Variants in CA12 observed in about 807,000 individuals in gnomAD.
The protein encoded by CA12 is carbonic anhydrase 12.
Under a neutral mutation model 46.8 loss-of-function variants are expected in CA12, and 36 were observed. That is an observed-to-expected ratio of 0.77 (90% CI 0.59 to 1.02). The LOEUF is 1.02. Ranked by LOEUF, CA12 falls within the 50% of genes least tolerant of loss-of-function variation. The pLI is 0.00. For missense variants in CA12, 436 were observed against 451.4 expected (o/e 0.97, Z 0.31); for synonymous variants, 202 against 187.0 (o/e 1.08, Z -0.65).
intron 1 of CA12, among the ~76,000 whole-genome samples, chr15:63,376,377 A>G (rs1480007425): frequency 6.6e-6 from 1 of 152,204 alleles, no homozygotes; most frequent in Non-Finnish European, 1.5e-5. Context: ...TCCATTAGAC[A>G]AGGAGGTTAG....
intron 1 of CA12, among the ~76,000 whole-genome samples, chr15:63,376,421 C>T (rs1026261920): frequency 2.6e-5 from 4 of 152,154 alleles, no homozygotes; most frequent in African/African-American, 7.2e-5. Flanking sequence ...GGCATGGCTA[C>T]ACACACATAT....
Position 63,341,199 on chromosome 15 carries a change from A to G in CA12, c.526-416T>C, listed in dbSNP as rs190519712. 2.0e-3 allele frequency among the ~76,000 whole-genome samples: 308 copies of G among 152,330 alleles called. 3 individuals are homozygous for G. The highest frequency in any genetic ancestry group is 7.0e-3 in the African/African-American group (291 of 41,578). On this transcript the variant is annotated intron_variant, in intron 5 of 10. Coordinates refer to ENST00000178638, the MANE Select transcript of CA12 (RefSeq NM_001218.5). The surrounding 1 kb of genome is among the most constrained non-coding windows in gnomAD (Gnocchi z 5.2). ...TTAGGAAAAAAAAACATGCAAGCCA[A>G]TCAGAAGACATTCCTCTATCTTGGG...
At position 63,323,117 on chromosome 15, in the gene CA12, C is replaced by T. The variant is rs1251341122; in HGVS notation, c.*3168G>A. 6.6e-6 allele frequency: 1 copy of T among 152,138 alleles called. No individual in the cohort carries two copies. Among genetic ancestry groups the T allele is most frequent in the Non-Finnish European group, 1.5e-5 (1 of 68,014 alleles). 9.4% of individuals were successfully genotyped at this position (152,138 alleles called of 1,614,324 possible). A position where few individuals can be genotyped will look rare whatever the true frequency, so the allele number is the denominator to read the frequency against. On this transcript the variant is annotated 3_prime_UTR_variant, in exon 11 of 11. Coordinates refer to ENST00000178638, the MANE Select transcript of CA12 (RefSeq NM_001218.5). This position sits in a 1 kb window ranked among gnomAD's most constrained non-coding sequence, Gnocchi z 5.1. ...GTAACAGGCAACCAAGAGGGGCTGC[C>T]CACCTACTAGGTTTAATACTCTCAG...
chr15:63,346,702 A>G lies in CA12; in HGVS notation c.114T>C (p.Asp38=). The change falls in exon 3 of 11, where the codon GAT becomes GAC. Residue 38 remains aspartate (D), a synonymous_variant. Coordinates refer to ENST00000178638, the MANE Select transcript of CA12 (RefSeq NM_001218.5). ...ACTTCTTGGACCAGCTATTCTCCCC[A>G]TCAGGACCTGGACACAGAGATCCAT... ...NGSKWTYFGP[D]GENSWSKKYP... 6.2e-7 allele frequency: 1 copy of G among 1,614,148 alleles called. No individual in the cohort carries two copies. The highest frequency in any genetic ancestry group is 1.1e-5 in the South Asian group (1 of 91,084).
chr15:63,380,550 C>A (rs757109255), intron 1 of CA12, among the ~76,000 whole-genome samples: 9 of 152,220 alleles, frequency 5.9e-5, no homozygotes, highest in Non-Finnish European at 1.2e-4. Context: ...TTCACTTTTA[C>A]ATCGCTCCTT....
intron 8 of CA12, among the ~76,000 whole-genome samples, chr15:63,333,288 C>T (rs2038958866): frequency 6.6e-6 from 1 of 152,266 alleles, no homozygotes; most frequent in Non-Finnish European, 1.5e-5. Flanking sequence ...GTCCAGCCGT[C>T]TGCCCAGCCC....
At chr15:63,367,107 G>A (rs1265347617) in intron 2 of CA12, among the ~76,000 whole-genome samples, 1 of 152,096 alleles carries the variant, frequency 6.6e-6, no homozygotes, top group Non-Finnish European at 1.5e-5. Context: ...TTTTAGTAGA[G>A]ATAGGGTTTC....
chr15:63,327,300 G>T lies in CA12; in HGVS notation c.908-67C>A. On this transcript the variant is annotated intron_variant, in intron 9 of 10. Coordinates refer to ENST00000178638, the MANE Select transcript of CA12 (RefSeq NM_001218.5). This position sits in a 1 kb window ranked among gnomAD's most constrained non-coding sequence, Gnocchi z 4.5. ...CCCTCCATCTTAGCCCATGGCCCCC[G>T]GGTGTGAAATCATGGCCCAGCTGCA... 7.8e-7 allele frequency: 1 copy of T among 1,279,116 alleles called. No individual in the cohort carries two copies. The allele number at this position is 1,279,116 out of a possible 1,614,324, so 79.2% of individuals were successfully genotyped here.
chr15:63,348,750 T>G lies in CA12; in HGVS notation c.107-2041A>C, dbSNP rs2039186596. ...ATCAAGAGGGCATTTTACTGATAGCTAAACGAGAGCCTCGTGAAGATAGGG... is the reference window on the plus strand; with the variant it reads ...ATCAAGAGGGCATTTTACTGATAGCGAAACGAGAGCCTCGTGAAGATAGGG... On this transcript the variant is annotated intron_variant, in intron 2 of 10. Transcript: ENST00000178638. The surrounding 1 kb of genome is among the most constrained non-coding windows in gnomAD (Gnocchi z 4.6). 6.6e-6 allele frequency among the ~76,000 whole-genome samples: 1 copy of G among 152,228 alleles called. No homozygotes were observed. The highest frequency in any genetic ancestry group is 1.5e-5 in the Non-Finnish European group (1 of 68,038).
chr15:63,341,645 G>A lies in CA12; in HGVS notation c.525+357C>T, dbSNP rs555297552. Reference sequence around the variant, plus strand: ...TGGATCTAGAGGAGCTTGGATGGCAGGAGTTGTATCAAGAGTTCAGGCATC... The same window carrying A: ...TGGATCTAGAGGAGCTTGGATGGCAAGAGTTGTATCAAGAGTTCAGGCATC... On this transcript the variant is annotated intron_variant, in intron 5 of 10. Transcript: ENST00000178638. This position sits in a 1 kb window ranked among gnomAD's most constrained non-coding sequence, Gnocchi z 5.2. Among the ~76,000 whole-genome samples, 4 of 152,332 alleles carry A rather than the reference G, an allele frequency of 2.6e-5. No homozygotes were observed. The highest frequency in any genetic ancestry group is 6.5e-5 in the Admixed American group (1 of 15,308).
intron 2 of CA12, among the ~76,000 whole-genome samples, chr15:63,357,213 T>C (rs182550354): frequency 6.6e-6 from 1 of 152,190 alleles, no homozygotes; most frequent in African/African-American, 2.4e-5. Context: ...AGAACTTGAG[T>C]GCACAATCAG....
chr15:63,345,408 AG>A lies in CA12; in HGVS notation c.429+68del, dbSNP rs2039132336. The A allele has an allele frequency of 4.4e-6, 7 of 1,584,434 alleles. No homozygotes were observed. Among genetic ancestry groups the A allele is most frequent in the Non-Finnish European group, 6.0e-6 (7 of 1,168,002 alleles). Reference sequence around the variant, plus strand: ...CATGCTCTGGTGTTATCTGCACAGCAGCCAGGTCGAGAAGGTGCCACACCAC... The same window carrying A: ...CATGCTCTGGTGTTATCTGCACAGCACCAGGTCGAGAAGGTGCCACACCAC... On this transcript the variant is annotated intron_variant, in intron 4 of 10. Coordinates refer to ENST00000178638, the MANE Select transcript of CA12 (RefSeq NM_001218.5). The surrounding 1 kb of genome is among the most constrained non-coding windows in gnomAD (Gnocchi z 4.3).
chr15:63,346,755 G>T (rs377610677), intron 2 of CA12, 46 bp from the exon 3 acceptor site: 1 of 1,590,258 alleles, frequency 6.3e-7, no homozygotes, highest in Admixed American at 1.7e-5. Context: ...TCTCACAAAG[G>T]GATTTTCCTT....
chr15:63,364,351 A>AAAAAAAAAAAC (rs2039411989), intron 2 of CA12, among the ~76,000 whole-genome samples: 1 of 150,488 alleles, frequency 6.6e-6, no homozygotes, highest in Non-Finnish European at 1.5e-5. Context: ...AAAAAAAAAA[A>AAAAAAAAAAAC]AAAACAGTGG....
intron 2 of CA12, among the ~76,000 whole-genome samples, chr15:63,361,540 T>C (rs1286500158): frequency 6.6e-6 from 1 of 152,206 alleles, no homozygotes; most frequent in Non-Finnish European, 1.5e-5. Context: ...AGGACAGTCC[T>C]GCACAACAGA....
At chr15:63,363,981 A>G (rs2039400610) in intron 2 of CA12, among the ~76,000 whole-genome samples, 1 of 152,024 alleles carries the variant, frequency 6.6e-6, no homozygotes, top group African/African-American at 2.4e-5. Context: ...TGAGGTCGGG[A>G]GTTCGAGACC....
intron 2 of CA12, among the ~76,000 whole-genome samples, chr15:63,358,196 G>A (rs1238486854): frequency 1.3e-5 from 2 of 152,226 alleles, no homozygotes; most frequent in African/African-American, 4.8e-5. Context: ...TCCTGTTTGA[G>A]TTTTAGAAAA....
chr15:63,363,977 C>T (rs1165251934), intron 2 of CA12, among the ~76,000 whole-genome samples: 23 of 152,152 alleles, frequency 1.5e-4, no homozygotes, highest in African/African-American at 5.1e-4. Flanking sequence ...CACCTGAGGT[C>T]GGGAGTTCGA....
intron 2 of CA12, among the ~76,000 whole-genome samples, chr15:63,365,270 C>G (rs1421241768): frequency 6.6e-6 from 1 of 152,198 alleles, no homozygotes; most frequent in African/African-American, 2.4e-5. Context: ...TGGCATAATT[C>G]CTGGCAAATC....
Sources: allele counts gnomAD v4.1 joint callset (sites outside exome capture counted in the v4.1 genomes callset), GRCh38; gene constraint gnomAD v4.1.1; non-coding constraint Gnocchi (gnomAD v3.1); transcripts MANE v1.5; gene names NCBI Gene and HGNC (gene_info 2026-07-23, HGNC 2026-07-21).